The following STK32B variants were observed in gnomAD, a reference collection of about 807,000 sequenced individuals.
STK32B encodes serine/threonine kinase 32B, also known as serine/threonine-protein kinase 32B.
STK32B carries 43 observed loss-of-function variants against 52.6 expected under a neutral mutation model. The observed-to-expected ratio is 0.82, with a 90% CI of 0.64 to 1.05. The LOEUF is 1.05. STK32B is among the 50% of genes least tolerant of loss of function. STK32B has a pLI of 0.00. For missense variants in STK32B, 621 were observed against 534.6 expected, an observed-to-expected ratio of 1.16 and a Z score of -1.59; for synonymous variants, 238 against 204.3, an observed-to-expected ratio of 1.17 and a Z score of -1.41.
intron 3 of STK32B, among the ~76,000 whole-genome samples, chr4:5,175,070 C>G (rs529915583): frequency 6.6e-6 from 1 of 152,168 alleles, no homozygotes; most frequent in African/African-American, 2.4e-5. Flanking sequence ...ATCGCTGATA[C>G]CCTTTCTTCC....
chr4:5,421,542 C>T (rs1712649203), intron 6 of STK32B, among the ~76,000 whole-genome samples: 1 of 152,222 alleles, frequency 6.6e-6, no homozygotes, highest in South Asian at 2.1e-4. Flanking sequence ...AGGCAGTTTT[C>T]TACCAGCCCT....
rs1560380847 is a variant in STK32B, at chr4:5,398,262, C to T, written c.472+18C>T. 6.2e-7 allele frequency: 1 copy of T among 1,613,876 alleles called. No individual in the cohort carries two copies. On this transcript the variant is annotated intron_variant, in intron 5 of 11. Transcript: ENST00000282908. The surrounding 1 kb of genome is among the most constrained non-coding windows in gnomAD (Gnocchi z 4.9). ...TGAACACGGTAAGCCTGCTACTAATCCTTTACAGGGACTCTCAGTGGAAAG... is the reference window on the plus strand; with the variant it reads ...TGAACACGGTAAGCCTGCTACTAATTCTTTACAGGGACTCTCAGTGGAAAG...
At chr4:5,175,071 C>A (rs1471274459) in intron 3 of STK32B, among the ~76,000 whole-genome samples, 1 of 152,106 alleles carries the variant, frequency 6.6e-6, no homozygotes, top group African/African-American at 2.4e-5. Flanking sequence ...TCGCTGATAC[C>A]CTTTCTTCCC....
intron 11 of STK32B, among the ~76,000 whole-genome samples, chr4:5,473,392 C>A (rs1717993574): frequency 6.6e-6 from 1 of 152,208 alleles, no homozygotes; most frequent in Non-Finnish European, 1.5e-5. Context: ...CATAGATGGT[C>A]ATGAGAGCTC....
chr4:5,244,282 A>G lies in STK32B; in HGVS notation c.260+75832A>G, dbSNP rs188359875. Among the ~76,000 whole-genome samples, 564 of 152,214 alleles carry G rather than the reference A, an allele frequency of 3.7e-3. 2 individuals carry two copies. Among genetic ancestry groups the G allele is most frequent in the African/African-American group, 0.013 (540 of 41,526 alleles). Reference sequence around the variant, plus strand: ...GTTTATTGGTCTATTCAGAGATTCAACTTCTTCCTGGTTTAGTCTTGGGAG... The same window carrying G: ...GTTTATTGGTCTATTCAGAGATTCAGCTTCTTCCTGGTTTAGTCTTGGGAG... On this transcript the variant is annotated intron_variant, in intron 3 of 11. Coordinates refer to ENST00000282908, the MANE Select transcript of STK32B (RefSeq NM_018401.3).
chr4:5,174,554 C>G (rs1301611849), intron 3 of STK32B, among the ~76,000 whole-genome samples: 3 of 152,158 alleles, frequency 2.0e-5, no homozygotes, highest in African/African-American at 4.8e-5. Flanking sequence ...TTCTCCTTCA[C>G]TTATGCAGCA....
At chr4:5,376,025 C>G (rs947220883) in intron 4 of STK32B, among the ~76,000 whole-genome samples, 1 of 152,166 alleles carries the variant, frequency 6.6e-6, no homozygotes, top group Non-Finnish European at 1.5e-5. Context: ...ATTTGTGAGT[C>G]CAACACTCTG....
In STK32B at chr4:5,499,289, G is replaced by A; in HGVS notation, c.*206G>A. On this transcript the variant is annotated 3_prime_UTR_variant, in exon 12 of 12. Transcript: ENST00000282908. ...ACCTCAGACAAGTCACGCCCTCTCT[G>A]TGCCTCCGTTTTCTGCATCTGCCAA... 3.6e-6 allele frequency: 2 copies of A among 555,182 alleles called. No individual in the cohort carries two copies. The highest frequency in any genetic ancestry group is 5.6e-6 in the Non-Finnish European group (2 of 358,726). The allele number at this position is 555,182 out of a possible 1,614,324, so 34.4% of individuals were successfully genotyped here.
the STK32B span, among the ~76,000 whole-genome samples, chr4:5,031,892 G>A: frequency 7.9e-5 from 12 of 152,136 alleles, no homozygotes; most frequent in Admixed American, 5.2e-4. Flanking sequence ...CTCACTCAAG[G>A]CTGGTCGCTC....
intron 11 of STK32B, among the ~76,000 whole-genome samples, chr4:5,480,047 C>T (rs1176076345): frequency 1.3e-5 from 2 of 152,182 alleles, no homozygotes; most frequent in Non-Finnish European, 1.5e-5. Context: ...GTCGTAAGAA[C>T]AAATGGCACA....
chr4:5,244,151 A>G (rs1016470887), intron 3 of STK32B, among the ~76,000 whole-genome samples: 2 of 152,164 alleles, frequency 1.3e-5, no homozygotes, highest in African/African-American at 4.8e-5. Flanking sequence ...TTCAGAAGTA[A>G]TGGTACCAGT....
chr4:5,020,585 C>A, the STK32B span, among the ~76,000 whole-genome samples: 17 of 152,288 alleles, frequency 1.1e-4, no homozygotes, highest in South Asian at 3.5e-3. Flanking sequence ...AAGCTGGAGG[C>A]ACATGGGTTG....
chr4:5,161,968 T>C (rs1045876387), intron 2 of STK32B, among the ~76,000 whole-genome samples: 4 of 151,992 alleles, frequency 2.6e-5, no homozygotes, highest in Non-Finnish European at 4.4e-5. Context: ...AGCTGGGGGA[T>C]GGTAGAGATG....
At position 5,190,630 on chromosome 4, in the gene STK32B, C is replaced by T. The variant is rs569721588; in HGVS notation, c.260+22180C>T. ...AGTGCCCGCTTTCTCATTCTGGACA[C>T]GGAGATCGGCAAAACTCAAATCATT... On this transcript the variant is annotated intron_variant, in intron 3 of 11. Transcript: ENST00000282908. Among the ~76,000 whole-genome samples, 24 of 152,264 alleles carry T rather than the reference C, an allele frequency of 1.6e-4. 1 individual carries two copies. The highest frequency in any genetic ancestry group is 1.5e-3 in the South Asian group (7 of 4,818).
intron 3 of STK32B, among the ~76,000 whole-genome samples, chr4:5,314,745 T>C (rs1234001611): frequency 1.3e-5 from 2 of 151,858 alleles, no homozygotes; most frequent in Non-Finnish European, 1.5e-5. Context: ...AAAAACATCA[T>C]AGGAGAAAAT....
chr4:5,293,084 T>G (rs1728987459), intron 3 of STK32B, among the ~76,000 whole-genome samples: 1 of 152,112 alleles, frequency 6.6e-6, no homozygotes, highest in African/African-American at 2.4e-5. Flanking sequence ...GAATGATAGT[T>G]TCCAGCTTCA....
chr4:5,414,357 C>A (rs576602918), intron 5 of STK32B, among the ~76,000 whole-genome samples: 1 of 98,226 alleles, frequency 1.0e-5, no homozygotes, highest in Non-Finnish European at 2.7e-5. Context: ...TGGAGGAACA[C>A]CTTGTAATCA....
At chr4:5,254,189 G>T (rs1268051919) in intron 3 of STK32B, among the ~76,000 whole-genome samples, 3 of 152,120 alleles carry the variant, frequency 2.0e-5, no homozygotes, top group Non-Finnish European at 4.4e-5. Flanking sequence ...ATCTATGTTT[G>T]CAAATTTATA....
intron 2 of STK32B, among the ~76,000 whole-genome samples, chr4:5,156,465 C>G (rs1171871043): frequency 1.3e-5 from 2 of 152,162 alleles, no homozygotes; most frequent in Admixed American, 6.5e-5. Context: ...TCACCCTCGT[C>G]CAGCCCCTAC....
Sources: gnomAD v4.1 joint callset for allele counts (sites outside exome capture counted in the v4.1 genomes callset) on GRCh38, gnomAD v4.1.1 for gene constraint, Gnocchi (gnomAD v3.1) non-coding constraint, MANE v1.5 for transcripts, NCBI Gene and HGNC (gene_info 2026-07-23, HGNC 2026-07-21) for gene names.